CCDC7: variants seen among roughly 807,000 people sequenced by gnomAD.
CCDC7 encodes the protein coiled-coil domain containing 7, also known as coiled-coil domain-containing protein 7.
In CCDC7, 183 loss-of-function variants were observed where a neutral mutation model predicts 196.9. That is an observed-to-expected ratio of 0.93 (90% confidence interval 0.82 to 1.05). The LOEUF (loss-of-function observed/expected upper bound fraction) is 1.05, where lower values mean the gene tolerates loss of function less well. Among genes scored for constraint, CCDC7 ranks in the 50% least tolerant of loss-of-function variants. The probability of loss-of-function intolerance (pLI) is 0.00; values close to 1 mark genes in which losing one functional copy is unlikely to be tolerated. For missense variants in CCDC7, 1,540 were observed against 1,482.2 expected (o/e 1.04, Z -0.64); for synonymous variants, 525 against 484.6 (o/e 1.08, Z -1.10).
intron 29 of CCDC7, among the ~76,000 whole-genome samples, chr10:32,782,645 A>G (rs894231815): frequency 4.6e-5 from 7 of 152,308 alleles, no homozygotes; most frequent in African/African-American, 1.7e-4. Context: ...AAAATAGAAA[A>G]CCCTATCTTA....
intron 18 of CCDC7, among the ~76,000 whole-genome samples, chr10:32,589,097 G>C (rs2059555317): frequency 6.6e-6 from 1 of 151,822 alleles, no homozygotes; most frequent in Non-Finnish European, 1.5e-5. Context: ...TCAAATACTA[G>C]ATCTTATTCA....
intron 28 of CCDC7, among the ~76,000 whole-genome samples, chr10:32,750,210 T>C (rs1384880529): frequency 6.6e-6 from 1 of 152,202 alleles, no homozygotes; most frequent in Non-Finnish European, 1.5e-5. Flanking sequence ...CCATATTTTG[T>C]TTATTTTCAT....
exon 2 of CCDC7, chr10:32,453,359 G>A: frequency 6.7e-7 from 1 of 1,500,572 alleles, no homozygotes; most frequent in South Asian, 1.5e-5. Context: ...TTCCACTTTG[G>A]AAGAAACCTA....
intron 31 of CCDC7, among the ~76,000 whole-genome samples, chr10:32,816,144 T>C (rs1358891230): frequency 1.3e-5 from 2 of 152,218 alleles, no homozygotes; most frequent in African/African-American, 4.8e-5. Context: ...ACCCTAATAC[T>C]GCACTTTTCC....
At chr10:32,477,368 A>G (rs2134040018) in intron 8 of CCDC7, among the ~76,000 whole-genome samples, 2 of 151,672 alleles carry the variant, frequency 1.3e-5, no homozygotes, top group African/African-American at 4.8e-5. Context: ...ACGCCCGGCT[A>G]ATTTTTGCAT....
intron 28 of CCDC7, among the ~76,000 whole-genome samples, chr10:32,733,049 T>C (rs917557509): frequency 6.6e-5 from 10 of 152,136 alleles, no homozygotes; most frequent in African/African-American, 7.2e-5. Flanking sequence ...CCATCACTTA[T>C]GTTTTCTGTA....
intron 28 of CCDC7, among the ~76,000 whole-genome samples, chr10:32,746,463 G>A (rs1041018143): frequency 6.6e-6 from 1 of 152,142 alleles, no homozygotes; most frequent in African/African-American, 2.4e-5. Context: ...GACTACAGTG[G>A]AGCATGGCCA....
intron 9 of CCDC7, among the ~76,000 whole-genome samples, chr10:32,510,449 C>A (rs2045932579): frequency 1.3e-5 from 2 of 152,248 alleles, no homozygotes; most frequent in Non-Finnish European, 2.9e-5. Context: ...TTAATAGCAA[C>A]AGCAGCAGCA....
At chr10:32,786,033 C>A (rs1346175285) in intron 29 of CCDC7, among the ~76,000 whole-genome samples, 1 of 152,244 alleles carries the variant, frequency 6.6e-6, no homozygotes, top group African/African-American at 2.4e-5. Flanking sequence ...TGAAGGGAGA[C>A]TCTTAGGATA....
chr10:32,491,775 T>G (rs1373700681), intron 8 of CCDC7, 147 bp from the exon 10 acceptor site: 1 of 578,734 alleles, frequency 1.7e-6, no homozygotes, highest in African/African-American at 2.0e-5. Flanking sequence ...ATTCTCCTCA[T>G]AAGCATTCTG....
At chr10:32,792,808 GT>G (rs1176045251) in intron 29 of CCDC7, among the ~76,000 whole-genome samples, 1 of 152,066 alleles carries the variant, frequency 6.6e-6, no homozygotes, top group Non-Finnish European at 1.5e-5. Flanking sequence ...TCACCTAGAT[GT>G]TTTATGTAAG....
At chr10:32,713,675 G>A (rs1312143882) in intron 25 of CCDC7, among the ~76,000 whole-genome samples, 1 of 152,188 alleles carries the variant, frequency 6.6e-6, no homozygotes, top group Non-Finnish European at 1.5e-5. Flanking sequence ...CTATTGGGGG[G>A]CCCATCAATC....
At position 32,855,287 on chromosome 10, in the gene CCDC7, C is replaced by T. The variant is rs78912840; in HGVS notation, c.4111+798C>T. On this transcript the variant is annotated intron_variant, in intron 41 of 41. Coordinates refer to ENST00000639629, the Ensembl canonical transcript of CCDC7. Reference sequence around the variant, plus strand: ...CAGCAGGGACCGGTTTCGTGGAAGACAATTTTTCCATGGAATGGTGGTGGG... The same window carrying T: ...CAGCAGGGACCGGTTTCGTGGAAGATAATTTTTCCATGGAATGGTGGTGGG... 8.5e-3 allele frequency among the ~76,000 whole-genome samples: 1,291 copies of T among 151,588 alleles called. 6 individuals are homozygous for T. Among genetic ancestry groups the T allele is most frequent in the Middle Eastern group, 0.021 (6 of 290 alleles).
At chr10:32,460,319 A>G (rs1351188568) in intron 3 of CCDC7, among the ~76,000 whole-genome samples, 2 of 151,212 alleles carry the variant, frequency 1.3e-5, no homozygotes, top group African/African-American at 4.8e-5. Context: ...ATTACAAAAT[A>G]AAAAGGCATT....
chr10:32,819,823 A>T (rs1337392831), intron 31 of CCDC7, among the ~76,000 whole-genome samples: 1 of 152,228 alleles, frequency 6.6e-6, no homozygotes, highest in Non-Finnish European at 1.5e-5. Flanking sequence ...TCTCAAAATA[A>T]TAAGAGCTAT....
At chr10:32,584,524 G>A (rs1046602890) in intron 18 of CCDC7, among the ~76,000 whole-genome samples, 10 of 151,598 alleles carry the variant, frequency 6.6e-5, no homozygotes, top group African/African-American at 1.9e-4. Context: ...TTGGGAGGCC[G>A]AGGCGGGTGG....
chr10:32,499,626 G>T (rs150869064), intron 9 of CCDC7, among the ~76,000 whole-genome samples: 15,897 of 148,816 alleles, frequency 0.11, 1,041 homozygotes, highest in South Asian at 0.25. Context: ...AGTGTTTATT[G>T]ATCATTCTTG....
chr10:32,782,894 G>A (rs2081279567), intron 29 of CCDC7, among the ~76,000 whole-genome samples: 3 of 152,140 alleles, frequency 2.0e-5, no homozygotes, highest in Non-Finnish European at 2.9e-5. Context: ...ACCATTTACT[G>A]GTAAGAAGGC....
At chr10:32,649,335 G>GA (rs747697198) in intron 20 of CCDC7, among the ~76,000 whole-genome samples, 1 of 152,100 alleles carries the variant, frequency 6.6e-6, no homozygotes, top group Non-Finnish European at 1.5e-5. Flanking sequence ...GAAAAATAAA[G>GA]AAAATTGGCC....
Sources: allele counts gnomAD v4.1 joint callset (sites outside exome capture counted in the v4.1 genomes callset), GRCh38; gene constraint gnomAD v4.1.1; transcripts MANE v1.5; gene names NCBI Gene and HGNC (gene_info 2026-07-23, HGNC 2026-07-21).